HOXA6: variants seen among roughly 807,000 people sequenced by gnomAD.
The protein encoded by HOXA6 is homeobox A6, also known as homeobox protein Hox-A6.
HOXA6 carries 19 observed loss-of-function variants against 23.2 expected under a neutral mutation model. That is an observed-to-expected ratio of 0.82 (90% CI 0.57 to 1.20). HOXA6 has a LOEUF of 1.20. Among genes scored for constraint, HOXA6 ranks in the 50% most tolerant of loss-of-function variants. The pLI is 0.00. For synonymous variants in HOXA6, 140 were observed against 132.6 expected (o/e 1.06, Z -0.38); for missense variants, 346 against 313.6 (o/e 1.10, Z -0.78).
rs531996531 is a variant in HOXA6 at position 27,146,808 on chromosome 7, G to T, written c.442+500C>A. ...GGGAGGAGAGAGAAAAAAATCCTGAGTCTGGGGCTGTGGCCCTCCAAGGCT... is the reference window on the plus strand; with the variant it reads ...GGGAGGAGAGAGAAAAAAATCCTGATTCTGGGGCTGTGGCCCTCCAAGGCT... On this transcript the variant is annotated intron_variant, in intron 1 of 1. Coordinates refer to ENST00000222728, the MANE Select transcript of HOXA6 (RefSeq NM_024014.4). Among the ~76,000 whole-genome samples the T allele has an allele frequency of 1.9e-4, 29 of 152,296 alleles. No individual in the cohort carries two copies. In the South Asian group the frequency reaches 5.0e-3, roughly 26 times the overall value.
chr7:27,145,705 A>G lies in HOXA6; in HGVS notation c.655T>C (p.Ser219Pro). The change falls in exon 2 of 2, where the codon TCC (serine) becomes CCC (proline). Residue 219 changes from serine to proline, a missense_variant. Physicochemically the swap from Ser to Pro is moderately conservative, Grantham distance 74. Transcript: ENST00000222728. The part of the protein sequence containing the change: ...KWKKENKLIN[S>P]TQPSGEDSEA... The stretch of plus-strand genomic sequence containing the variant: ...GAGTCCTCCCCGCTGGGCTGCGTGG[A>G]ATTGATGAGCTTGTTTTCCTTTTTC... The G allele has an allele frequency of 7.4e-6, 12 of 1,614,098 alleles. No homozygotes were observed. Among genetic ancestry groups the G allele is most frequent in the Non-Finnish European group, 1.0e-5 (12 of 1,180,026 alleles).
Position 27,145,867 on chromosome 7 carries a change from A to G in HOXA6, c.493T>C (p.Tyr165His). ...GRRGRQTYTR[Y>H]QTLELEKEFH... ...TCCTTCTCCAGCTCCAGTGTCTGGT[A>G]GCGCGTGTAGGTCTGGCGGCCTCGG... Residue 165 changes from tyrosine (Y) to histidine (H), a missense_variant, in exon 2 of 2, where the codon TAC (tyrosine) becomes CAC (histidine). By Grantham distance (83) the Tyr-to-His change is moderately conservative. Transcript: ENST00000222728. The G allele has an allele frequency of 6.2e-7, 1 of 1,614,148 alleles. No individual in the cohort carries two copies. Among genetic ancestry groups the G allele is most frequent in the Non-Finnish European group, 8.5e-7 (1 of 1,180,026 alleles).
chr7:27,146,239 G>A (rs1308648890), intron 1 of HOXA6, among the ~76,000 whole-genome samples: 1 of 99,870 alleles, frequency 1.0e-5, no homozygotes, highest in Non-Finnish European at 2.1e-5. Flanking sequence ...GATGCAGGGT[G>A]TGTGTGTGTG....
In HOXA6 at chr7:27,145,745, G is replaced by A. The variant is rs2128061914; in HGVS notation, c.615C>T (p.Asn205=). The part of the protein sequence containing the change: ...TERQIKIWFQ[N]RRMKWKKENK... ...TTTCCTTTTTCCACTTCATGCGGCG[G>A]TTCTGGAACCAGATCTTGATCTGGC... The change falls in exon 2 of 2, where the codon AAC becomes AAT. Residue 205 remains asparagine, a synonymous_variant. Transcript: ENST00000222728. 2 of 1,614,246 alleles carry A rather than the reference G, an allele frequency of 1.2e-6. No individual in the cohort carries two copies. Among genetic ancestry groups the A allele is most frequent in the East Asian group, 4.5e-5 (2 of 44,870 alleles).
rs1031693818 is a variant in HOXA6, at chr7:27,145,910, C to T, written c.450G>A (p.Val150=). 5 of 1,613,394 alleles carry T rather than the reference C, an allele frequency of 3.1e-6. No homozygotes were observed. In the African/African-American group the frequency reaches 5.3e-5, roughly 17 times the overall value. The change falls in exon 2 of 2, where the codon GTG becomes GTA. Residue 150 remains valine, a synonymous_variant. Coordinates refer to ENST00000222728, the MANE Select transcript of HOXA6 (RefSeq NM_024014.4). ...MQRMNSCAGA[V]YGSHGRRGRQ... is the part of the protein sequence containing the mutation. ...GGCCTCGGCGCCCATGGCTCCCATA[C>T]ACAGCACCTACGAGCAGAAACGGCC...
At position 27,147,692 on chromosome 7, in the gene HOXA6, A is replaced by T; in HGVS notation, c.58T>A (p.Ser20Thr). Reference sequence around the variant, plus strand: ...TAGAGGGGCAGCTGGCCCAAGAAGGAGTCCTGGCCGCTGGGAAGGCTCCCG... The same window carrying T: ...TAGAGGGGCAGCTGGCCCAAGAAGGTGTCCTGGCCGCTGGGAAGGCTCCCG... ...FPGSLPSGQDSFLGQLPLYQA... is the reference protein window; with the variant it reads ...FPGSLPSGQDTFLGQLPLYQA... The change falls in exon 1 of 2, where the codon TCC becomes ACC. Residue 20 changes from serine to threonine, a missense_variant. Transcript: ENST00000222728. 6.2e-7 allele frequency: 1 copy of T among 1,613,438 alleles called. No homozygotes were observed. The highest frequency in any genetic ancestry group is 8.5e-7 in the Non-Finnish European group (1 of 1,179,800).
At position 27,145,457 on chromosome 7, in the gene HOXA6, GTTTTGTTTTGTT is replaced by G; in HGVS notation, c.*189_*200del. Reference sequence around the variant, plus strand: ...TTGGCTGTGTGTGAGGTTTTGTTTTGTTTTGTTTTGTTTTGTTTTGTTTTGTTTTGTTTTGTT... The same window carrying G: ...TTGGCTGTGTGTGAGGTTTTGTTTTGTTGTTTTGTTTTGTTTTGTTTTGTT... On this transcript the variant is annotated 3_prime_UTR_variant, in exon 2 of 2. Coordinates refer to ENST00000222728, the MANE Select transcript of HOXA6 (RefSeq NM_024014.4). 1 of 214,202 alleles carries G rather than the reference GTTTTGTTTTGTT, an allele frequency of 4.7e-6. No homozygotes were observed. Among genetic ancestry groups the G allele is most frequent in the Non-Finnish European group, 7.5e-6 (1 of 133,128 alleles). The allele number at this position is 214,202 out of a possible 1,614,324, so 13.3% of individuals were successfully genotyped here.
chr7:27,145,879 T>C lies in HOXA6; in HGVS notation c.481A>G (p.Thr161Ala). 2 of 1,614,110 alleles carry C rather than the reference T, an allele frequency of 1.2e-6. No individual in the cohort carries two copies. Among genetic ancestry groups the C allele is most frequent in the Non-Finnish European group, 8.5e-7 (1 of 1,180,028 alleles). ...TCCAGTGTCTGGTAGCGCGTGTAGG[T>C]CTGGCGGCCTCGGCGCCCATGGCTC... ...YGSHGRRGRQ[T>A]YTRYQTLELE... Residue 161 changes from threonine (T) to alanine (A), a missense_variant, in exon 2 of 2, where the codon ACC becomes GCC. Thr to Ala is a moderately conservative substitution (Grantham distance 58). Transcript: ENST00000222728.
At chr7:27,146,763 G>A (rs1160778824) in intron 1 of HOXA6, among the ~76,000 whole-genome samples, 2 of 152,174 alleles carry the variant, frequency 1.3e-5, no homozygotes, top group African/African-American at 4.8e-5. Context: ...GGGCAGTTGA[G>A]TAGAAGCCGG....
intron 1 of HOXA6, among the ~76,000 whole-genome samples, chr7:27,146,714 A>T (rs984375344): frequency 1.3e-5 from 2 of 152,136 alleles, no homozygotes; most frequent in Non-Finnish European, 2.9e-5. Context: ...TATGAAGCTC[A>T]GGCATGGGCT....
Position 27,147,486 on chromosome 7 carries a change from G to A in HOXA6, c.264C>T (p.Ala88=). ...CFYSDKDLSG[A]SPSGSGKQRG... Reference sequence around the variant, plus strand: ...TCTGCTTGCCACTGCCCGAGGGCGAGGCGCCACTGAGGTCCTTATCAGAAT... The same window carrying A: ...TCTGCTTGCCACTGCCCGAGGGCGAAGCGCCACTGAGGTCCTTATCAGAAT... Residue 88 remains alanine (A), a synonymous_variant, in exon 1 of 2, where the codon GCC becomes GCT. Coordinates refer to ENST00000222728, the MANE Select transcript of HOXA6 (RefSeq NM_024014.4). 6.2e-7 allele frequency: 1 copy of A among 1,614,084 alleles called. No individual in the cohort carries two copies. The highest frequency in any genetic ancestry group is 8.5e-7 in the Non-Finnish European group (1 of 1,179,992).
chr7:27,147,534 G>A lies in HOXA6; in HGVS notation c.216C>T (p.Tyr72=), dbSNP rs764406083. 1.2e-6 allele frequency: 2 copies of A among 1,614,230 alleles called. No individual in the cohort carries two copies. Among genetic ancestry groups the A allele is most frequent in the African/African-American group, 1.3e-5 (1 of 75,066 alleles). ...AATAGAAACACGAGGCCCCGTACTC[G>A]TAGGACGCCCGGTTGCAGGCCAGGA... ...NSVLACNRAS[Y]EYGASCFYSD... is the part of the protein sequence containing the mutation. Residue 72 remains tyrosine (Y), a synonymous_variant, in exon 1 of 2, where the codon TAC becomes TAT. Transcript: ENST00000222728.
chr7:27,147,318 G>T lies in HOXA6; in HGVS notation c.432C>A (p.Asn144Lys). Residue 144 changes from asparagine to lysine, a missense_variant, in exon 1 of 2, where the codon AAC (asparagine) becomes AAA (lysine). Physicochemically the swap from Asn to Lys is moderately conservative, Grantham distance 94. Coordinates refer to ENST00000222728, the MANE Select transcript of HOXA6 (RefSeq NM_024014.4). ...TGGGATATGTCTTACCCGCGCAGGAGTTCATCCGCTGCATCCAAGGGTAAA... is the reference window on the plus strand; with the variant it reads ...TGGGATATGTCTTACCCGCGCAGGATTTCATCCGCTGCATCCAAGGGTAAA... ...SPVYPWMQRM[N>K]SCAGAVYGSH... 6.2e-7 allele frequency: 1 copy of T among 1,613,628 alleles called. No individual in the cohort carries two copies.
intron 1 of HOXA6, among the ~76,000 whole-genome samples, chr7:27,146,237 GTGTGTGTGTGTGTT>G (rs1185384587): frequency 1.0e-5 from 1 of 96,414 alleles, no homozygotes; most frequent in Non-Finnish European, 2.2e-5. Context: ...GGGATGCAGG[GTGTGTGTGTGTGTT>G]TGTGTGTGTG....
At position 27,147,695 on chromosome 7, in the gene HOXA6, C is replaced by A; in HGVS notation, c.55G>T (p.Asp19Tyr). Residue 19 changes from aspartate to tyrosine, a missense_variant, in exon 1 of 2, where the codon GAC (aspartate) becomes TAC (tyrosine). Transcript: ENST00000222728. ...TFPGSLPSGQ[D>Y]SFLGQLPLYQ... Reference sequence around the variant, plus strand: ...AGGGGCAGCTGGCCCAAGAAGGAGTCCTGGCCGCTGGGAAGGCTCCCGGGG... The same window carrying A: ...AGGGGCAGCTGGCCCAAGAAGGAGTACTGGCCGCTGGGAAGGCTCCCGGGG... 1 of 1,613,384 alleles carries A rather than the reference C, an allele frequency of 6.2e-7. No homozygotes were observed. The highest frequency in any genetic ancestry group is 8.5e-7 in the Non-Finnish European group (1 of 1,179,834).
Position 27,147,339 on chromosome 7 carries a change from GT to G in HOXA6, c.410del (p.Tyr137SerfsTer7). On this transcript the variant is annotated frameshift_variant, in exon 1 of 2. Transcript: ENST00000222728. LOFTEE classifies it high-confidence loss of function. The stretch of plus-strand genomic sequence containing the variant: ...AGGAGTTCATCCGCTGCATCCAAGG[GT>G]AAACCGGGCTCGTGTACTTCCGGTC... ...GADRKYTSPV[Y>X]PWMQRMNSCA... The G allele has an allele frequency of 3.1e-6, 5 of 1,614,110 alleles. No homozygotes were observed. The South Asian group carries it at 5.5e-5, about 18-fold the overall frequency.
At chr7:27,146,876 C>T (rs17472028) in intron 1 of HOXA6, among the ~76,000 whole-genome samples, 66 of 152,320 alleles carry the variant, frequency 4.3e-4, no homozygotes, top group African/African-American at 1.5e-3. Flanking sequence ...CCTCTCTGTA[C>T]GGGTTTCTGA....
chr7:27,145,877 G>A lies in HOXA6; in HGVS notation c.483C>T (p.Thr161=), dbSNP rs775287994. ...GCTCCAGTGTCTGGTAGCGCGTGTA[G>A]GTCTGGCGGCCTCGGCGCCCATGGC... ...YGSHGRRGRQ[T]YTRYQTLELE... is the part of the protein sequence containing the mutation. The change falls in exon 2 of 2, where the codon ACC becomes ACT. Residue 161 remains threonine (T), a synonymous_variant. Coordinates refer to ENST00000222728, the MANE Select transcript of HOXA6 (RefSeq NM_024014.4). 7.4e-6 allele frequency: 12 copies of A among 1,614,186 alleles called. No individual in the cohort carries two copies. The East Asian group carries it at 2.2e-4, about 30-fold the overall frequency.
At chr7:27,146,003 A>G in intron 1 of HOXA6, 86 bp from the exon 2 acceptor site, 4 of 1,478,182 alleles carry the variant, frequency 2.7e-6, no homozygotes, top group Non-Finnish European at 3.6e-6. Flanking sequence ...AGAGGCACCC[A>G]GACTAGAAAC....
Sources: allele counts gnomAD v4.1 joint callset (sites outside exome capture counted in the v4.1 genomes callset), GRCh38; gene constraint gnomAD v4.1.1; transcripts MANE v1.5; gene names NCBI Gene and HGNC (gene_info 2026-07-23, HGNC 2026-07-21).